Variants in STAU2 observed in about 807,000 individuals in gnomAD.
STAU2 encodes double-stranded RNA-binding protein Staufen homolog 2.
STAU2 carries 20 observed loss-of-function variants against 65.9 expected under a neutral mutation model. The observed-to-expected ratio is 0.30, with a 90% confidence interval of 0.21 to 0.44. The LOEUF is 0.44. Ranked by LOEUF, STAU2 falls within the 20% of genes least tolerant of loss-of-function variation. The pLI is 1.00. For missense variants in STAU2, 558 were observed against 683.9 expected, an observed-to-expected ratio of 0.82 and a Z score of 2.05; for synonymous variants, 232 against 233.9, an observed-to-expected ratio of 0.99 and a Z score of 0.07.
At chr8:73,663,393 T>C (rs1482539039) in intron 6 of STAU2, among the ~76,000 whole-genome samples, 2 of 152,206 alleles carry the variant, frequency 1.3e-5, no homozygotes, top group Admixed American at 1.3e-4. Context: ...ACGTGACCCA[T>C]GGGCTATAGT....
intron 4 of STAU2, among the ~76,000 whole-genome samples, chr8:73,698,120 G>C (rs1308633405): frequency 1.3e-5 from 2 of 151,742 alleles, no homozygotes; most frequent in Non-Finnish European, 2.9e-5. Flanking sequence ...GTATTTGCAA[G>C]CCTCATAGTA....
intron 2 of STAU2, among the ~76,000 whole-genome samples, chr8:73,739,375 C>T (rs1417257845): frequency 1.3e-5 from 2 of 151,936 alleles, no homozygotes; most frequent in Non-Finnish European, 2.9e-5. Context: ...GACCTCTCCC[C>T]TAAAAATTAT....
chr8:73,692,356 C>T (rs1362558543), intron 4 of STAU2, among the ~76,000 whole-genome samples: 1 of 152,066 alleles, frequency 6.6e-6, no homozygotes, highest in East Asian at 1.9e-4. Flanking sequence ...AGCCACCATG[C>T]CGGGCTAATT....
chr8:73,518,288 T>C (rs893956415), intron 13 of STAU2, among the ~76,000 whole-genome samples: 4 of 152,234 alleles, frequency 2.6e-5, no homozygotes, highest in Non-Finnish European at 5.9e-5. Flanking sequence ...CAAAAGAGAA[T>C]GGACTCTGAA....
At chr8:73,736,890 C>T (rs1452382373) in intron 3 of STAU2, among the ~76,000 whole-genome samples, 2 of 152,126 alleles carry the variant, frequency 1.3e-5, no homozygotes, top group Admixed American at 6.5e-5. Flanking sequence ...TTTTGGAACG[C>T]ATCTCGCTCT....
At chr8:73,495,565 A>G (rs1821364852) in intron 13 of STAU2, among the ~76,000 whole-genome samples, 2 of 150,720 alleles carry the variant, frequency 1.3e-5, no homozygotes, top group Admixed American at 1.3e-4. Flanking sequence ...AAATGTCAAT[A>G]AAAACTTATA....
At chr8:73,673,993 AG>A (rs1477737150) in intron 5 of STAU2, among the ~76,000 whole-genome samples, 1 of 151,926 alleles carries the variant, frequency 6.6e-6, no homozygotes, top group Admixed American at 6.6e-5. Context: ...TTAGCAGTGT[AG>A]GGTATAATGT....
At chr8:73,497,798 A>G (rs1456205187) in intron 13 of STAU2, among the ~76,000 whole-genome samples, 1 of 122,328 alleles carries the variant, frequency 8.2e-6, no homozygotes, top group Non-Finnish European at 2.0e-5. Flanking sequence ...CCTCAAATTT[A>G]TAACAGACTA....
chr8:73,554,674 C>T (rs566198516), intron 12 of STAU2, among the ~76,000 whole-genome samples: 2 of 152,280 alleles, frequency 1.3e-5, no homozygotes, highest in East Asian at 1.9e-4. Flanking sequence ...AGAAAAATTG[C>T]CTATAAATTA....
intron 6 of STAU2, among the ~76,000 whole-genome samples, chr8:73,655,522 T>C (rs2130273515): frequency 6.6e-6 from 1 of 152,108 alleles, no homozygotes; most frequent in East Asian, 1.9e-4. Context: ...AAAATAGATA[T>C]ATTAATTAAA....
intron 13 of STAU2, among the ~76,000 whole-genome samples, chr8:73,482,962 C>T (rs1234732851): frequency 2.0e-5 from 3 of 152,100 alleles, no homozygotes; most frequent in Non-Finnish European, 4.4e-5. Flanking sequence ...GCTCCCATAT[C>T]TCTTATAATT....
intron 13 of STAU2, among the ~76,000 whole-genome samples, chr8:73,425,268 G>A (rs1816720401): frequency 6.6e-6 from 1 of 152,178 alleles, no homozygotes; most frequent in Non-Finnish European, 1.5e-5. Context: ...GTAGGTCCCT[G>A]ATCCAATATA....
intron 12 of STAU2, among the ~76,000 whole-genome samples, chr8:73,568,982 T>G (rs1808829207): frequency 6.6e-6 from 1 of 151,790 alleles, no homozygotes; most frequent in Admixed American, 6.6e-5. Flanking sequence ...TGTCGGACAG[T>G]GGGTGCAGCA....
chr8:73,649,084 G>C (rs191150954), intron 6 of STAU2, among the ~76,000 whole-genome samples: 18 of 152,236 alleles, frequency 1.2e-4, no homozygotes, highest in African/African-American at 4.3e-4. Flanking sequence ...GGGCCACCAG[G>C]CCAGCCTCCA....
At chr8:73,710,502 C>A (rs534723936) in intron 3 of STAU2, among the ~76,000 whole-genome samples, 1 of 151,892 alleles carries the variant, frequency 6.6e-6, no homozygotes, top group East Asian at 1.9e-4. Flanking sequence ...CTCACTAAGC[C>A]TTCTATTCTT....
intron 12 of STAU2, among the ~76,000 whole-genome samples, chr8:73,553,773 T>C (rs1807516869): frequency 6.6e-6 from 1 of 151,906 alleles, no homozygotes; most frequent in Non-Finnish European, 1.5e-5. Context: ...TTTAGCTCCA[T>C]GCTTTCTGCT....
chr8:73,615,921 A>G, intron 7 of STAU2, 139 bp from the exon 8 acceptor site: 1 of 600,078 alleles, frequency 1.7e-6, no homozygotes, highest in Non-Finnish European at 2.9e-6. Context: ...ATTCTCCTGT[A>G]ACCACAGCGG....
intron 6 of STAU2, chr8:73,651,214 TC>T: frequency 1.2e-6 from 1 of 837,200 alleles, no homozygotes; most frequent in Admixed American, 2.2e-5. Context: ...GGAGGCTAGG[TC>T]CTCAAATCTG....
intron 13 of STAU2, among the ~76,000 whole-genome samples, chr8:73,477,095 G>C (rs929931486): frequency 4.6e-5 from 7 of 152,182 alleles, no homozygotes; most frequent in Non-Finnish European, 1.0e-4. Context: ...TAACCGGGTA[G>C]GTGGGGGTGG....
Sources: gnomAD v4.1 joint callset for allele counts (sites outside exome capture counted in the v4.1 genomes callset) on GRCh38, gnomAD v4.1.1 for gene constraint, MANE v1.5 for transcripts, NCBI Gene and HGNC (gene_info 2026-07-23, HGNC 2026-07-21) for gene names.